Variants in MAST4 observed in about 807,000 individuals in gnomAD.
The protein encoded by MAST4 is microtubule-associated serine/threonine-protein kinase 4.
In MAST4, 89 loss-of-function variants were observed where a neutral mutation model predicts 162.7. The observed-to-expected ratio is 0.55, with a 90% CI of 0.46 to 0.65. The LOEUF (loss-of-function observed/expected upper bound fraction) is 0.65, where lower values mean the gene tolerates loss of function less well. Ranked by LOEUF, MAST4 falls within the 30% of genes least tolerant of loss-of-function variation. The probability of loss-of-function intolerance (pLI) is 0.00; values close to 1 mark genes in which losing one functional copy is unlikely to be tolerated. For missense variants in MAST4, 3,153 were observed against 3,374.0 expected (o/e 0.93, Z 1.62); for synonymous variants, 1,479 against 1,361.1 (o/e 1.09, Z -1.91).
chr5:67,166,819 G>C lies in MAST4; in HGVS notation c.7640G>C (p.Arg2547Pro). Residue 2547 changes from arginine (R) to proline (P), a missense_variant, in exon 29 of 29, where the codon CGG becomes CCG. Around this residue, in one of 7 missense-constraint regions of MAST4, gnomAD observed 1,644 missense variants for 1,495.0 expected, o/e 1.10. Coordinates refer to ENST00000403625, the MANE Select transcript of MAST4 (RefSeq NM_001164664.2). ...DPNTMGGASH[R>P]DRALSVTATV... ...AACACCATGGGCGGGGCCAGCCACC[G>C]GGACAGGGCTCTCTCGGTGACTGCC... is the stretch of plus-strand genomic sequence containing the variant. 6.2e-7 allele frequency: 1 copy of C among 1,604,776 alleles called. No individual in the cohort carries two copies. The highest frequency in any genetic ancestry group is 8.5e-7 in the Non-Finnish European group (1 of 1,176,204).
chr5:67,162,871 C>T (rs1349909917), intron 28 of MAST4, 83 bp downstream of exon 28: 18 of 1,397,298 alleles, frequency 1.3e-5, no homozygotes, highest in Non-Finnish European at 1.8e-5. Flanking sequence ...AAGCTTGTTC[C>T]AGCTGAAAGA....
At chr5:67,087,925 A>T (rs571518587) in intron 5 of MAST4, among the ~76,000 whole-genome samples, 2 of 152,324 alleles carry the variant, frequency 1.3e-5, no homozygotes, top group East Asian at 3.9e-4. Flanking sequence ...ATGTTCAAGC[A>T]ATGGACCTAG....
chr5:67,104,671 C>G (rs528796542), intron 10 of MAST4, 96 bp downstream of exon 10: 2 of 789,936 alleles, frequency 2.5e-6, no homozygotes, highest in Non-Finnish European at 3.9e-6. Context: ...AAATGGAGTT[C>G]ACATTCCAGA....
At chr5:67,134,469 A>G in intron 17 of MAST4, 54 bp from the exon 18 acceptor site, 2 of 1,536,682 alleles carry the variant, frequency 1.3e-6, no homozygotes, top group South Asian at 2.5e-5. Flanking sequence ...CATCTTGCTC[A>G]TTTTAATTCA....
intron 1 of MAST4, among the ~76,000 whole-genome samples, chr5:66,714,804 C>G (rs1426290669): frequency 6.6e-6 from 1 of 152,226 alleles, no homozygotes; most frequent in Non-Finnish European, 1.5e-5. Context: ...GAGAAACAGT[C>G]TGGTCTGTCT....
chr5:66,931,702 A>G (rs1470156862), intron 4 of MAST4, among the ~76,000 whole-genome samples: 1 of 152,180 alleles, frequency 6.6e-6, no homozygotes, highest in Non-Finnish European at 1.5e-5. Context: ...CACAAAAAAT[A>G]TTTAGCTCAT....
rs757837103 is a variant in MAST4, at chr5:67,163,478, G to A, written c.4299G>A (p.Ala1433=). Residue 1433 remains alanine, a synonymous_variant, in exon 29 of 29, where the codon GCG becomes GCA. Transcript: ENST00000403625. The surrounding 1 kb of genome is among the most constrained non-coding windows in gnomAD (Gnocchi z 7.0). ...GACACATCGTGAGGCCCAAGAGTGC[G>A]GAGCCCCCCAGGTCCCCGCTGCTCA... The part of the protein sequence containing the change: ...IVRHIVRPKS[A]EPPRSPLLKR... 1.2e-6 allele frequency: 2 copies of A among 1,613,380 alleles called. No individual in the cohort carries two copies. Among genetic ancestry groups the A allele is most frequent in the Admixed American group, 1.7e-5 (1 of 60,006 alleles).
intron 4 of MAST4, among the ~76,000 whole-genome samples, chr5:67,050,838 A>G (rs1405825895): frequency 6.6e-6 from 1 of 152,194 alleles, no homozygotes; most frequent in Non-Finnish European, 1.5e-5. Context: ...GTGCTGCTTC[A>G]ACTGGAGAAC....
chr5:67,078,922 A>ATT (rs1434438738), intron 5 of MAST4, among the ~76,000 whole-genome samples: 1 of 74,274 alleles, frequency 1.3e-5, no homozygotes, highest in Non-Finnish European at 2.4e-5. Flanking sequence ...ATATATATAT[A>ATT]TATATATATA....
At chr5:66,781,297 G>A (rs1023682616) in intron 2 of MAST4, among the ~76,000 whole-genome samples, 3 of 152,214 alleles carry the variant, frequency 2.0e-5, no homozygotes, top group Non-Finnish European at 2.9e-5. Context: ...AGTGGTGGGT[G>A]TAAACTTTCT....
intron 5 of MAST4, among the ~76,000 whole-genome samples, chr5:67,080,989 T>C (rs1762540678): frequency 7.6e-6 from 1 of 130,810 alleles, no homozygotes; most frequent in Non-Finnish European, 1.5e-5. Context: ...TATATATAAT[T>C]GTATATATTA....
intron 4 of MAST4, among the ~76,000 whole-genome samples, chr5:66,940,006 G>A (rs1743190285): frequency 6.6e-6 from 1 of 152,002 alleles, no homozygotes; most frequent in African/African-American, 2.4e-5. Flanking sequence ...GTACGAGGCT[G>A]CAGTGAGTTA....
chr5:66,619,811 A>G (rs1056833714), intron 1 of MAST4, among the ~76,000 whole-genome samples: 2 of 152,040 alleles, frequency 1.3e-5, no homozygotes, highest in African/African-American at 4.8e-5. Flanking sequence ...AAAAAAATTT[A>G]TATCAAGGTC....
intron 2 of MAST4, among the ~76,000 whole-genome samples, chr5:66,763,949 G>C (rs1191764946): frequency 1.3e-5 from 2 of 152,194 alleles, no homozygotes; most frequent in Non-Finnish European, 2.9e-5. Flanking sequence ...AGTGATGGTT[G>C]AGTAGGCTTC....
At chr5:67,079,491 G>T (rs937702671) in intron 5 of MAST4, among the ~76,000 whole-genome samples, 2 of 152,118 alleles carry the variant, frequency 1.3e-5, no homozygotes, top group Non-Finnish European at 2.9e-5. Context: ...GTAGGACTGG[G>T]CATGGGGAGG....
intron 1 of MAST4, among the ~76,000 whole-genome samples, chr5:66,726,755 C>T (rs1342285900): frequency 6.6e-6 from 1 of 152,090 alleles, no homozygotes; most frequent in Admixed American, 6.6e-5. Context: ...AGATCAGTGG[C>T]ATTAGATTAT....
intron 1 of MAST4, among the ~76,000 whole-genome samples, chr5:66,597,579 G>A (rs1742278579): frequency 1.3e-5 from 2 of 152,330 alleles, no homozygotes; most frequent in Admixed American, 1.3e-4. Flanking sequence ...GGGAGAAGAG[G>A]ACTCCCCGCG....
At chr5:67,104,625 A>C (rs1279868707) in intron 10 of MAST4, 50 bp downstream of exon 10, 7 of 1,519,906 alleles carry the variant, frequency 4.6e-6, no homozygotes, top group Non-Finnish European at 6.3e-6. Flanking sequence ...CTTTTCCCTG[A>C]AAAAAATTTT....
At chr5:66,782,269 A>T (rs1459777302) in intron 2 of MAST4, among the ~76,000 whole-genome samples, 1 of 151,062 alleles carries the variant, frequency 6.6e-6, no homozygotes, top group Non-Finnish European at 1.5e-5. Flanking sequence ...AGCCTGGGGG[A>T]CAAGAGCGAG....
Sources: allele counts gnomAD v4.1 joint callset (sites outside exome capture counted in the v4.1 genomes callset), GRCh38; gene constraint gnomAD v4.1.1; regional missense constraint gnomAD v4.1.1; non-coding constraint Gnocchi (gnomAD v3.1); transcripts MANE v1.5; gene names NCBI Gene and HGNC (gene_info 2026-07-23, HGNC 2026-07-21).